Variants in STK33 observed in about 807,000 individuals in gnomAD.
The protein encoded by STK33 is serine/threonine kinase 33.
STK33 carries 52 observed loss-of-function variants against 58.0 expected under a neutral mutation model. That is an observed-to-expected ratio of 0.90 (90% CI 0.72 to 1.13). The LOEUF is 1.13. Among genes scored for constraint, STK33 ranks in the 50% most tolerant of loss-of-function variants. STK33 has a pLI of 0.00. For synonymous variants in STK33, 215 were observed against 200.1 expected, an observed-to-expected ratio of 1.07 and a Z score of -0.63; for missense variants, 630 against 604.2, an observed-to-expected ratio of 1.04 and a Z score of -0.45.
rs775357872 is a variant in STK33, at chr11:8,457,360, T to A, written c.678A>T (p.Ile226=). The change falls in exon 9 of 16, where the codon ATA becomes ATT. Residue 226 remains isoleucine, a synonymous_variant. Transcript: ENST00000687296. ...TCTTACCATTATTGTGAAGATATGC[T>A]ATAGCTGATGCGAGACTTTGAATGA... ...RWIIQSLASA[I]AYLHNNDIVH... is the part of the protein sequence containing the mutation. 6 of 1,603,412 alleles carry A rather than the reference T, an allele frequency of 3.7e-6. No homozygotes were observed. Among genetic ancestry groups the A allele is most frequent in the Non-Finnish European group, 5.1e-6 (6 of 1,172,442 alleles).
the STK33 span, among the ~76,000 whole-genome samples, chr11:8,368,306 T>C: frequency 6.6e-6 from 1 of 152,306 alleles, no homozygotes; most frequent in South Asian, 2.1e-4. Context: ...CAGCAGTCAC[T>C]GAGTTTCAAA....
At chr11:8,565,799 T>G (rs1464040911) in intron 1 of STK33, 2 of 152,242 alleles carry the variant, frequency 1.3e-5, no homozygotes, top group Non-Finnish European at 2.9e-5. Context: ...ATATCCTGTC[T>G]GCTTCTGCCT....
chr11:8,529,733 C>T (rs957101091), intron 1 of STK33, among the ~76,000 whole-genome samples: 2 of 151,972 alleles, frequency 1.3e-5, no homozygotes, highest in African/African-American at 4.8e-5. Context: ...AAAAAGGGAC[C>T]ATAAGCCATG....
intron 9 of STK33, among the ~76,000 whole-genome samples, chr11:8,455,810 CAAAAAAAAAA>C (rs1156835375): frequency 1.9e-4 from 9 of 47,118 alleles, no homozygotes; most frequent in South Asian, 1.0e-3. Flanking sequence ...GACTCTGTCT[CAAAAAAAAAA>C]AAAAAAAAAA....
At chr11:8,543,809 T>A (rs1955701987) in intron 1 of STK33, among the ~76,000 whole-genome samples, 2 of 152,186 alleles carry the variant, frequency 1.3e-5, no homozygotes, top group Non-Finnish European at 2.9e-5. Flanking sequence ...CCATTCTCCA[T>A]GACATATTAC....
intron 1 of STK33, among the ~76,000 whole-genome samples, chr11:8,582,835 G>A (rs370291575): frequency 2.5e-4 from 38 of 152,278 alleles, no homozygotes; most frequent in African/African-American, 7.5e-4. Flanking sequence ...AGTCACCAAA[G>A]CAAACCCTAC....
At chr11:8,581,200 A>C (rs571649379) in intron 1 of STK33, among the ~76,000 whole-genome samples, 1 of 152,012 alleles carries the variant, frequency 6.6e-6, no homozygotes, top group South Asian at 2.1e-4. Flanking sequence ...GAAAGCCTTA[A>C]CTCAGCCCAT....
chr11:8,501,136 C>T (rs1384001075), intron 1 of STK33, among the ~76,000 whole-genome samples: 1 of 152,056 alleles, frequency 6.6e-6, no homozygotes, highest in Non-Finnish European at 1.5e-5. Context: ...TTAGATTAGG[C>T]AACAGTTTCT....
chr11:8,402,039 A>G (rs1285588375), intron 15 of STK33, among the ~76,000 whole-genome samples: 2 of 152,226 alleles, frequency 1.3e-5, no homozygotes, highest in Non-Finnish European at 1.5e-5. Flanking sequence ...TAGTTCAACC[A>G]TTGTGGAAGT....
chr11:8,582,246 G>T (rs1222969479), intron 1 of STK33, among the ~76,000 whole-genome samples: 2 of 152,124 alleles, frequency 1.3e-5, no homozygotes, highest in African/African-American at 2.4e-5. Context: ...GATCTCTACA[G>T]CATATAGCTT....
At chr11:8,398,199 G>C (rs1345065740) in intron 15 of STK33, among the ~76,000 whole-genome samples, 1 of 152,112 alleles carries the variant, frequency 6.6e-6, no homozygotes, top group Admixed American at 6.5e-5. Flanking sequence ...AAATGTTAAG[G>C]GCAGCCAGAG....
intron 11 of STK33, among the ~76,000 whole-genome samples, chr11:8,452,232 A>G (rs1451890768): frequency 1.3e-5 from 2 of 152,162 alleles, no homozygotes; most frequent in Admixed American, 1.3e-4. Context: ...CAAAACATGC[A>G]CATGATTTTA....
chr11:8,364,703 AC>A, the STK33 span, among the ~76,000 whole-genome samples: 3 of 152,140 alleles, frequency 2.0e-5, no homozygotes, highest in Non-Finnish European at 4.4e-5. Flanking sequence ...TAAAATGAAG[AC>A]TGTCTATGTA....
chr11:8,418,171 G>A (rs1047417286), intron 14 of STK33, among the ~76,000 whole-genome samples: 7 of 151,992 alleles, frequency 4.6e-5, no homozygotes, highest in Middle Eastern at 3.4e-3. Context: ...ACAGGGGTTC[G>A]TTGGACAGAT....
At chr11:8,532,527 C>T (rs1175479298) in intron 1 of STK33, among the ~76,000 whole-genome samples, 23 of 152,224 alleles carry the variant, frequency 1.5e-4, no homozygotes, top group Admixed American at 1.5e-3. Flanking sequence ...TTATATTTTC[C>T]CTTTTCCAAA....
Position 8,473,284 on chromosome 11 carries a change from C to CAA in STK33, c.226-10_226-9dup. On this transcript the variant is annotated splice_polypyrimidine_tract_variant and intron_variant, in intron 5 of 15. Transcript: ENST00000687296. Reference sequence around the variant, plus strand: ...ATTTGAGGTTCTTGAGGGCTGGGACCAAAAAAAAAATTAAAAAAAAAAAAC... The same window carrying CAA: ...ATTTGAGGTTCTTGAGGGCTGGGACCAAAAAAAAAAAATTAAAAAAAAAAAAC... 7 of 1,350,036 alleles carry CAA rather than the reference C, an allele frequency of 5.2e-6. No homozygotes were observed. Among genetic ancestry groups the CAA allele is most frequent in the East Asian group, 2.5e-5 (1 of 39,470 alleles). 83.6% of individuals were successfully genotyped at this position (1,350,036 alleles called of 1,614,324 possible). A position where few individuals can be genotyped will look rare whatever the true frequency, so the allele number is the denominator to read the frequency against.
chr11:8,559,272 T>C (rs1956970457), intron 1 of STK33, among the ~76,000 whole-genome samples: 1 of 152,192 alleles, frequency 6.6e-6, no homozygotes, highest in African/African-American at 2.4e-5. Flanking sequence ...GCAGCCATAT[T>C]ATGACAACCA....
At chr11:8,462,659 G>A (rs976841376) in intron 7 of STK33, among the ~76,000 whole-genome samples, 5 of 151,896 alleles carry the variant, frequency 3.3e-5, no homozygotes, top group Non-Finnish European at 5.9e-5. Context: ...GCCTTCAGAT[G>A]TTAGATGTCT....
At chr11:8,553,472 C>T (rs1196857655) in intron 1 of STK33, among the ~76,000 whole-genome samples, 3 of 151,788 alleles carry the variant, frequency 2.0e-5, no homozygotes, top group African/African-American at 7.2e-5. Context: ...AATTCTTTAG[C>T]TCCATTATAA....
Sources: allele counts gnomAD v4.1 joint callset (sites outside exome capture counted in the v4.1 genomes callset), GRCh38; gene constraint gnomAD v4.1.1; transcripts MANE v1.5; gene names NCBI Gene and HGNC (gene_info 2026-07-23, HGNC 2026-07-21).